HS3ST4: variants seen among roughly 807,000 people sequenced by gnomAD.
HS3ST4 encodes the protein heparan sulfate-glucosamine 3-sulfotransferase 4, also known as heparan sulfate glucosamine 3-O-sulfotransferase 4.
A neutral mutation model predicts 29.2 loss-of-function variants in HS3ST4; 17 were observed. The ratio of observed to expected loss-of-function variants is 0.58; its 90% CI spans 0.40 to 0.87. The LOEUF (loss-of-function observed/expected upper bound fraction) is 0.87. HS3ST4 is among the 40% of genes least tolerant of loss of function. The probability of loss-of-function intolerance (pLI) is 0.00; values close to 1 mark genes in which losing one functional copy is unlikely to be tolerated. For missense variants in HS3ST4, 627 were observed against 634.5 expected (o/e 0.99, Z 0.13); for synonymous variants, 314 against 285.7 (o/e 1.10, Z -1.00).
At chr16:26,029,700 T>C (rs572009169) in intron 1 of HS3ST4, among the ~76,000 whole-genome samples, 22 of 152,244 alleles carry the variant, frequency 1.4e-4, no homozygotes, top group African/African-American at 5.3e-4. Context: ...CGTGAGCCAC[T>C]GCGCCTGGCA....
At chr16:25,926,958 C>G (rs1418082016) in intron 1 of HS3ST4, among the ~76,000 whole-genome samples, 1 of 152,074 alleles carries the variant, frequency 6.6e-6, no homozygotes, top group African/African-American at 2.4e-5. Context: ...GTTCAGAATA[C>G]TTTAAGGTCA....
intron 1 of HS3ST4, among the ~76,000 whole-genome samples, chr16:26,113,304 G>A (rs1899157010): frequency 6.6e-6 from 1 of 151,986 alleles, no homozygotes; most frequent in African/African-American, 2.4e-5. Flanking sequence ...AATTTAGCTG[G>A]GTGTAGCGGC....
intron 1 of HS3ST4, among the ~76,000 whole-genome samples, chr16:26,119,850 G>A (rs1275784658): frequency 6.6e-6 from 1 of 152,132 alleles, no homozygotes; most frequent in Non-Finnish European, 1.5e-5. Context: ...TAGGAGACAG[G>A]TGGACTCTAC....
At position 25,704,657 on chromosome 16, in the gene HS3ST4, C is replaced by G. The variant is rs554438883; in HGVS notation, c.734+11506C>G. ...CTTTGGGAGGCCGAGGCAGGTGGAT[C>G]ACCTGAGGTCAGGAGTTCGAGACCA... On this transcript the variant is annotated intron_variant, in intron 1 of 1. Coordinates refer to ENST00000331351, the MANE Select transcript of HS3ST4 (RefSeq NM_006040.3). Among the ~76,000 whole-genome samples, 4 of 152,116 alleles carry G rather than the reference C, an allele frequency of 2.6e-5. No homozygotes were observed. The East Asian group carries it at 5.8e-4, about 22-fold the overall frequency.
At chr16:26,001,112 A>G (rs1969208060) in intron 1 of HS3ST4, among the ~76,000 whole-genome samples, 1 of 149,550 alleles carries the variant, frequency 6.7e-6, no homozygotes. Flanking sequence ...CATAATTTTT[A>G]TGACAAATTT....
chr16:25,829,037 TGACA>T (rs1163030231), intron 1 of HS3ST4, among the ~76,000 whole-genome samples: 1 of 152,194 alleles, frequency 6.6e-6, no homozygotes, highest in Non-Finnish European at 1.5e-5. Flanking sequence ...GACCAAGAAG[TGACA>T]GACAGAGGCA....
chr16:26,069,365 G>A (rs1179073677), intron 1 of HS3ST4, among the ~76,000 whole-genome samples: 1 of 152,112 alleles, frequency 6.6e-6, no homozygotes, highest in Non-Finnish European at 1.5e-5. Flanking sequence ...AGAAGGTGGT[G>A]GAAGTGATCA....
intron 1 of HS3ST4, among the ~76,000 whole-genome samples, chr16:25,906,050 C>A (rs770480719): frequency 6.6e-6 from 1 of 152,150 alleles, no homozygotes; most frequent in African/African-American, 2.4e-5. Context: ...CTGTAAAGGT[C>A]TTTTAAAATT....
chr16:26,005,958 G>A (rs888866217), intron 1 of HS3ST4, among the ~76,000 whole-genome samples: 2 of 152,096 alleles, frequency 1.3e-5, no homozygotes, highest in African/African-American at 4.8e-5. Flanking sequence ...ATCCCCAAAT[G>A]TCTCTTTAGA....
chr16:25,762,137 G>C (rs1289050103), intron 1 of HS3ST4, among the ~76,000 whole-genome samples: 1 of 152,172 alleles, frequency 6.6e-6, no homozygotes, highest in Admixed American at 6.5e-5. Context: ...AACCGAGAAA[G>C]GGGGCCCTCA....
intron 1 of HS3ST4, among the ~76,000 whole-genome samples, chr16:25,872,080 G>A (rs878875370): frequency 6.6e-6 from 1 of 152,074 alleles, no homozygotes; most frequent in Non-Finnish European, 1.5e-5. Context: ...CTTTGTTTGC[G>A]GGACTTTCCC....
intron 1 of HS3ST4, among the ~76,000 whole-genome samples, chr16:25,852,860 T>G (rs1278359159): frequency 6.6e-6 from 1 of 152,228 alleles, no homozygotes; most frequent in East Asian, 1.9e-4. Context: ...AAGTTTTTAA[T>G]TCATCTCCAG....
At chr16:25,702,856 A>T (rs35854264) in intron 1 of HS3ST4, among the ~76,000 whole-genome samples, 1 of 151,744 alleles carries the variant, frequency 6.6e-6, no homozygotes, top group Non-Finnish European at 1.5e-5. Flanking sequence ...GAGTTGAGCT[A>T]GCGGCTCAAC....
rs191021932 is a variant in HS3ST4, at chr16:25,777,152, C to T, written c.734+84001C>T. ...TGGGTAGGGGTTCTCTCTTGACTCA[C>T]GCACATTAATCTCTCCACATAAGTG... On this transcript the variant is annotated intron_variant, in intron 1 of 1. Coordinates refer to ENST00000331351, the MANE Select transcript of HS3ST4 (RefSeq NM_006040.3). Among the ~76,000 whole-genome samples, 295 of 152,280 alleles carry T rather than the reference C, an allele frequency of 1.9e-3. 1 individual carries two copies. The highest frequency in any genetic ancestry group is 6.5e-3 in the African/African-American group (271 of 41,552).
intron 1 of HS3ST4, among the ~76,000 whole-genome samples, chr16:25,756,415 A>ATCCAGTTGAGGGATGTTCCAGTTG (rs1320622648): frequency 4.6e-5 from 7 of 152,170 alleles, no homozygotes; most frequent in Non-Finnish European, 1.0e-4. Context: ...TGTTAAATAG[A>ATCCAGTTGAGGGATGTTCCAGTTG]AAGGCTGTTA....
chr16:26,030,053 A>G (rs1053456104), intron 1 of HS3ST4, among the ~76,000 whole-genome samples: 1 of 152,218 alleles, frequency 6.6e-6, no homozygotes, highest in African/African-American at 2.4e-5. Flanking sequence ...GCATGGCAGC[A>G]TGGGTCTAGG....
At chr16:25,924,171 A>G (rs1364188700) in intron 1 of HS3ST4, among the ~76,000 whole-genome samples, 1 of 152,192 alleles carries the variant, frequency 6.6e-6, no homozygotes, top group Non-Finnish European at 1.5e-5. Flanking sequence ...TTAGTTGTTC[A>G]GTCCAAATTC....
At chr16:25,762,876 CAAAAAAA>C (rs67260535) in intron 1 of HS3ST4, among the ~76,000 whole-genome samples, 5 of 60,480 alleles carry the variant, frequency 8.3e-5, no homozygotes, top group Non-Finnish European at 1.2e-4. Context: ...GACCCTGTCT[CAAAAAAA>C]AAAAAAAAAA....
intron 1 of HS3ST4, among the ~76,000 whole-genome samples, chr16:25,715,323 C>T (rs188844081): frequency 6.1e-5 from 6 of 98,982 alleles, no homozygotes; most frequent in Non-Finnish European, 1.0e-4. Flanking sequence ...AGCGAGACTC[C>T]GTCTCAAAAA....
Sources: gnomAD v4.1 joint callset for allele counts (sites outside exome capture counted in the v4.1 genomes callset) on GRCh38, gnomAD v4.1.1 for gene constraint, MANE v1.5 for transcripts, NCBI Gene and HGNC (gene_info 2026-07-23, HGNC 2026-07-21) for gene names.